AGAP1: variants seen among roughly 807,000 people sequenced by gnomAD.
AGAP1 encodes the protein ArfGAP with GTPase domain, ankyrin repeat and PH domain 1.
Under a neutral mutation model 105.3 loss-of-function variants are expected in AGAP1, and 29 were observed. The ratio of observed to expected loss-of-function variants is 0.28; its 90% CI spans 0.21 to 0.38. The LOEUF (loss-of-function observed/expected upper bound fraction) is 0.38. AGAP1 is among the 10% of genes least tolerant of loss of function. AGAP1 has a pLI of 1.00. For synonymous variants in AGAP1, 509 were observed against 485.9 expected (o/e 1.05, Z -0.63); for missense variants, 998 against 1,165.1 (o/e 0.86, Z 2.09).
At position 235,919,160 on chromosome 2, in the gene AGAP1, G is replaced by A. The variant is rs556234803; in HGVS notation, c.1324+10254G>A. ...CCGGAAGAGCCTCTGTGAATTACCC[G>A]CGCCCCCTCCACCAGGGAGCCAGCT... On this transcript the variant is annotated intron_variant, in intron 11 of 17. Coordinates refer to ENST00000304032, the MANE Select transcript of AGAP1 (RefSeq NM_001037131.3). The surrounding 1 kb of genome is among the most constrained non-coding windows in gnomAD (Gnocchi z 4.1). Among the ~76,000 whole-genome samples the A allele has an allele frequency of 2.6e-5, 4 of 152,184 alleles. No individual in the cohort carries two copies. Among genetic ancestry groups the A allele is most frequent in the African/African-American group, 9.6e-5 (4 of 41,534 alleles).
In AGAP1 at chr2:236,131,123, G is replaced by A. The variant is rs2060076950; in HGVS notation, c.*7001G>A. The A allele has an allele frequency of 6.6e-6, 1 of 152,232 alleles. No homozygotes were observed. Among genetic ancestry groups the A allele is most frequent in the South Asian group, 2.1e-4 (1 of 4,826 alleles). 9.4% of individuals were successfully genotyped at this position (152,232 alleles called of 1,614,324 possible). On this transcript the variant is annotated 3_prime_UTR_variant, in exon 18 of 18. Transcript: ENST00000304032. This position sits in a 1 kb window ranked among gnomAD's most constrained non-coding sequence, Gnocchi z 5.9. ...TGAAAAGCATCAGTTTCCCTCCCAC[G>A]GCTGGGTTTTTGTGTCTGAAATACA...
At chr2:235,840,104 G>C (rs993465481) in intron 9 of AGAP1, among the ~76,000 whole-genome samples, 3 of 152,214 alleles carry the variant, frequency 2.0e-5, no homozygotes, top group African/African-American at 7.2e-5. Context: ...CACAGCCTGT[G>C]GTTTCTGTTT....
At chr2:235,829,404 G>A (rs190480081) in intron 9 of AGAP1, among the ~76,000 whole-genome samples, 27 of 152,348 alleles carry the variant, frequency 1.8e-4, no homozygotes, top group Non-Finnish European at 2.9e-4. Flanking sequence ...TGTAGAGACT[G>A]TGGCCATGTT....
rs981045432 is a variant in AGAP1 at position 235,908,555 on chromosome 2, T to A, written c.1156-183T>A. 3.3e-5 allele frequency among the ~76,000 whole-genome samples: 5 copies of A among 152,080 alleles called. No homozygotes were observed. The highest frequency in any genetic ancestry group is 1.2e-4 in the African/African-American group (5 of 41,408). On this transcript the variant is annotated intron_variant, in intron 10 of 17. Transcript: ENST00000304032. The surrounding 1 kb of genome is among the most constrained non-coding windows in gnomAD (Gnocchi z 4.4). ...CAGGACACAGAAGCAAAACTCTGAT[T>A]TAAATATAATAATGATGTTACCAGT...
At chr2:235,841,189 A>G (rs1960786684) in intron 9 of AGAP1, among the ~76,000 whole-genome samples, 1 of 152,126 alleles carries the variant, frequency 6.6e-6, no homozygotes, top group Non-Finnish European at 1.5e-5. Context: ...GAGAGGCCCA[A>G]CTGTGATGCT....
intron 3 of AGAP1, among the ~76,000 whole-genome samples, chr2:235,727,679 C>T (rs185904796): frequency 6.6e-6 from 1 of 152,320 alleles, no homozygotes; most frequent in East Asian, 1.9e-4. Flanking sequence ...CATTAGCTCA[C>T]CACCACTCCT....
At chr2:235,954,843 G>A (rs764878989) in intron 12 of AGAP1, among the ~76,000 whole-genome samples, 25 of 151,846 alleles carry the variant, frequency 1.6e-4, no homozygotes, top group East Asian at 3.9e-4. Flanking sequence ...TGCTATTATC[G>A]CAGCTCCTAG....
intron 16 of AGAP1, among the ~76,000 whole-genome samples, chr2:236,091,662 C>T (rs114514832): frequency 0.012 from 1,798 of 152,314 alleles, 11 homozygotes; most frequent in Non-Finnish European, 0.018. Flanking sequence ...GTCCCAGCTA[C>T]TCAGGAGACT....
chr2:235,531,700 C>T (rs972042270), intron 1 of AGAP1, among the ~76,000 whole-genome samples: 5 of 151,730 alleles, frequency 3.3e-5, no homozygotes, highest in Non-Finnish European at 7.4e-5. Context: ...CTCCGCCTCC[C>T]GGGTTCAAGC....
rs774525154 is a variant in AGAP1, at chr2:236,105,787, C to T, written c.2115-14405C>T. Among the ~76,000 whole-genome samples, 3 of 152,056 alleles carry T rather than the reference C, an allele frequency of 2.0e-5. No homozygotes were observed. Among genetic ancestry groups the T allele is most frequent in the East Asian group, 1.9e-4 (1 of 5,178 alleles). ...TTTGTTTTTGTATTTTTAGTAGAGACGGGGTTTCACCATGTTAGCCAGGGT... is the reference window on the plus strand; with the variant it reads ...TTTGTTTTTGTATTTTTAGTAGAGATGGGGTTTCACCATGTTAGCCAGGGT... On this transcript the variant is annotated intron_variant, in intron 16 of 17. Coordinates refer to ENST00000304032, the MANE Select transcript of AGAP1 (RefSeq NM_001037131.3). This position sits in a 1 kb window ranked among gnomAD's most constrained non-coding sequence, Gnocchi z 4.2.
chr2:235,727,018 G>A (rs1370051096), intron 3 of AGAP1, among the ~76,000 whole-genome samples: 2 of 152,190 alleles, frequency 1.3e-5, no homozygotes, highest in Non-Finnish European at 2.9e-5. Flanking sequence ...TCGGTCCTTA[G>A]TGCTCAGATG....
At chr2:235,573,906 C>A (rs191430152) in intron 1 of AGAP1, among the ~76,000 whole-genome samples, 26 of 152,246 alleles carry the variant, frequency 1.7e-4, no homozygotes, top group Non-Finnish European at 3.4e-4. Context: ...ATGGCTGGGG[C>A]TGGCTCCTGG....
intron 1 of AGAP1, among the ~76,000 whole-genome samples, chr2:235,636,766 G>T (rs1947016893): frequency 6.6e-6 from 1 of 152,158 alleles, no homozygotes; most frequent in African/African-American, 2.4e-5. Flanking sequence ...TGGAAATAAG[G>T]TCGTCGCAGA....
At chr2:235,917,068 T>C (rs2051922098) in intron 11 of AGAP1, among the ~76,000 whole-genome samples, 1 of 152,196 alleles carries the variant, frequency 6.6e-6, no homozygotes, top group Non-Finnish European at 1.5e-5. Context: ...CTAAAGTGTG[T>C]CTTTGTTGGG....
chr2:236,083,281 A>G lies in AGAP1; in HGVS notation c.2114+34000A>G, dbSNP rs940476399. Among the ~76,000 whole-genome samples the G allele has an allele frequency of 2.0e-5, 3 of 152,186 alleles. No homozygotes were observed. Among genetic ancestry groups the G allele is most frequent in the Admixed American group, 6.5e-5 (1 of 15,280 alleles). ...TTTTTCAGGTCAGTGTGTGCCTAATAATGCAGATGTCATGTGATGAGCTCG... is the reference window on the plus strand; with the variant it reads ...TTTTTCAGGTCAGTGTGTGCCTAATGATGCAGATGTCATGTGATGAGCTCG... On this transcript the variant is annotated intron_variant, in intron 16 of 17. Coordinates refer to ENST00000304032, the MANE Select transcript of AGAP1 (RefSeq NM_001037131.3). This position sits in a 1 kb window ranked among gnomAD's most constrained non-coding sequence, Gnocchi z 5.3.
intron 10 of AGAP1, among the ~76,000 whole-genome samples, chr2:235,885,836 G>T (rs1284399894): frequency 6.6e-6 from 1 of 152,236 alleles, no homozygotes; most frequent in Non-Finnish European, 1.5e-5. Context: ...AGTGGGATTC[G>T]AGATGCAGAT....
chr2:235,896,685 G>C (rs1030546137), intron 10 of AGAP1, among the ~76,000 whole-genome samples: 2 of 152,204 alleles, frequency 1.3e-5, no homozygotes, highest in Non-Finnish European at 2.9e-5. Flanking sequence ...AAAGAACTTT[G>C]TCATTCATGT....
rs577490097 is a variant in AGAP1 at position 236,023,635 on chromosome 2, C to T, written c.1646-12926C>T. 5.9e-5 allele frequency among the ~76,000 whole-genome samples: 9 copies of T among 152,178 alleles called. No homozygotes were observed. The South Asian group carries it at 1.7e-3, about 28-fold the overall frequency. On this transcript the variant is annotated intron_variant, in intron 13 of 17. Coordinates refer to ENST00000304032, the MANE Select transcript of AGAP1 (RefSeq NM_001037131.3). ...CCAGGCCTTGGCTGTTGTATTGTCC[C>T]GTCTTTTCGGTGGTGCTGTCTGGAG... is the stretch of plus-strand genomic sequence containing the variant.
At position 235,753,114 on chromosome 2, in the gene AGAP1, A is replaced by C. The variant is rs913043366; in HGVS notation, c.673+2626A>C. ...TTATTCCCCTGGGGGTCAGGATTTCAGTATAAGAATTTGGGTTGAGTTCCA... is the reference window on the plus strand; with the variant it reads ...TTATTCCCCTGGGGGTCAGGATTTCCGTATAAGAATTTGGGTTGAGTTCCA... On this transcript the variant is annotated intron_variant, in intron 6 of 17. Transcript: ENST00000304032. This position sits in a 1 kb window ranked among gnomAD's most constrained non-coding sequence, Gnocchi z 4.5. 1.3e-5 allele frequency among the ~76,000 whole-genome samples: 2 copies of C among 152,148 alleles called. No individual in the cohort carries two copies. Among genetic ancestry groups the C allele is most frequent in the Non-Finnish European group, 2.9e-5 (2 of 68,022 alleles).
Sources: allele counts gnomAD v4.1 joint callset (sites outside exome capture counted in the v4.1 genomes callset), GRCh38; gene constraint gnomAD v4.1.1; non-coding constraint Gnocchi (gnomAD v3.1); transcripts MANE v1.5; gene names NCBI Gene and HGNC (gene_info 2026-07-23, HGNC 2026-07-21).